CCSER1: variants seen among roughly 807,000 people sequenced by gnomAD.
CCSER1 encodes coiled-coil serine rich protein 1, also known as serine-rich coiled-coil domain-containing protein 1.
In CCSER1, 41 loss-of-function variants were observed where a neutral mutation model predicts 82.0. The ratio of observed to expected loss-of-function variants is 0.50; its 90% CI spans 0.39 to 0.65. The LOEUF (loss-of-function observed/expected upper bound fraction) is 0.65. Ranked by LOEUF, CCSER1 falls within the 30% of genes least tolerant of loss-of-function variation. The pLI is 0.00. For synonymous variants in CCSER1, 414 were observed against 383.9 expected (o/e 1.08, Z -0.92); for missense variants, 1,119 against 1,064.2 (o/e 1.05, Z -0.72).
intron 5 of CCSER1, among the ~76,000 whole-genome samples, chr4:90,553,774 A>T (rs915506636): frequency 6.6e-6 from 1 of 152,228 alleles, no homozygotes; most frequent in Non-Finnish European, 1.5e-5. Context: ...TGTACAGTGC[A>T]GAGTTGGATT....
chr4:90,344,246 C>A (rs754915542), intron 3 of CCSER1, among the ~76,000 whole-genome samples: 7 of 152,174 alleles, frequency 4.6e-5, no homozygotes, highest in Non-Finnish European at 1.0e-4. Context: ...TCGAATAGTA[C>A]TTCATTGTGT....
At chr4:90,882,652 GAAT>G (rs1721511781) in intron 8 of CCSER1, among the ~76,000 whole-genome samples, 1 of 151,904 alleles carries the variant, frequency 6.6e-6, no homozygotes, top group Non-Finnish European at 1.5e-5. Flanking sequence ...AATCATTAAA[GAAT>G]AATGAGTAGC....
intron 9 of CCSER1, among the ~76,000 whole-genome samples, chr4:91,000,076 G>A (rs1737870000): frequency 6.6e-6 from 1 of 151,736 alleles, no homozygotes; most frequent in Non-Finnish European, 1.5e-5. Context: ...TGATGACTTT[G>A]TTTCAGATTA....
chr4:90,611,477 G>A (rs1383195552), intron 5 of CCSER1, among the ~76,000 whole-genome samples: 8 of 151,730 alleles, frequency 5.3e-5, no homozygotes, highest in Admixed American at 2.0e-4. Flanking sequence ...GTTGCTTTGA[G>A]AGAATAAAAT....
intron 10 of CCSER1, among the ~76,000 whole-genome samples, chr4:91,463,096 G>A (rs1168127829): frequency 6.6e-6 from 1 of 152,136 alleles, no homozygotes; most frequent in Non-Finnish European, 1.5e-5. Flanking sequence ...AGCCTAACTG[G>A]GAGGCACCCC....
At chr4:90,422,660 C>T (rs1756877217) in intron 4 of CCSER1, among the ~76,000 whole-genome samples, 1 of 151,888 alleles carries the variant, frequency 6.6e-6, no homozygotes, top group African/African-American at 2.4e-5. Context: ...AAAAAAAACA[C>T]CAAACGAACA....
intron 10 of CCSER1, among the ~76,000 whole-genome samples, chr4:91,148,866 T>C (rs111649630): frequency 0.11 from 16,997 of 152,238 alleles, 1,080 homozygotes; most frequent in East Asian, 0.24. Context: ...TGCCACATTT[T>C]CTTAATCCAG....
intron 6 of CCSER1, among the ~76,000 whole-genome samples, chr4:90,712,958 A>C (rs1740931445): frequency 1.4e-5 from 2 of 143,342 alleles, no homozygotes; most frequent in Non-Finnish European, 3.0e-5. Flanking sequence ...AGATAGTAGG[A>C]TTGCAACCCC....
Position 91,193,109 on chromosome 4 carries a change from A to G in CCSER1, c.2217+107115A>G, listed in dbSNP as rs570625063. Among the ~76,000 whole-genome samples the G allele has an allele frequency of 3.9e-5, 6 of 151,960 alleles. No homozygotes were observed. In the South Asian group the frequency reaches 1.2e-3, roughly 32 times the overall value. On this transcript the variant is annotated intron_variant, in intron 10 of 10. Transcript: ENST00000509176. ...GTGTCTTTTTTTTCAACCCTACTGC[A>G]TTTTATCCTTAGCTCATCTATAATA...
At chr4:90,953,768 A>G (rs1733155016) in intron 9 of CCSER1, among the ~76,000 whole-genome samples, 1 of 151,946 alleles carries the variant, frequency 6.6e-6, no homozygotes. Flanking sequence ...TAATTGACTG[A>G]ATAATTTCAT....
intron 10 of CCSER1, among the ~76,000 whole-genome samples, chr4:91,140,545 T>A (rs1429310705): frequency 6.6e-6 from 1 of 152,118 alleles, no homozygotes; most frequent in East Asian, 1.9e-4. Context: ...ATCTTTACCA[T>A]TTGGAATTCA....
chr4:90,925,011 G>T (rs577500524), intron 9 of CCSER1, among the ~76,000 whole-genome samples: 7 of 152,156 alleles, frequency 4.6e-5, no homozygotes, highest in Non-Finnish European at 1.0e-4. Context: ...ACAGGCGTGA[G>T]CCACCACCCC....
At chr4:90,141,324 A>G (rs1439344189) in intron 1 of CCSER1, among the ~76,000 whole-genome samples, 2 of 152,204 alleles carry the variant, frequency 1.3e-5, no homozygotes, top group African/African-American at 4.8e-5. Flanking sequence ...ATACCTTTAC[A>G]CTAACATCCG....
intron 9 of CCSER1, among the ~76,000 whole-genome samples, chr4:91,056,298 G>A (rs373291148): frequency 3.3e-5 from 5 of 150,948 alleles, no homozygotes; most frequent in African/African-American, 9.9e-5. Flanking sequence ...CTGAGACTGG[G>A]TAATTTATAA....
chr4:91,302,815 T>C (rs1744772780), intron 10 of CCSER1, among the ~76,000 whole-genome samples: 1 of 50,498 alleles, frequency 2.0e-5, no homozygotes, highest in Non-Finnish European at 4.7e-5. Flanking sequence ...CCTAGATCTT[T>C]TTTTTTTTTG....
In CCSER1 at chr4:91,349,282, G is replaced by A. The variant is rs1481612591; in HGVS notation, c.2218-249290G>A. ...TTGGGTGTTTTTTTTACTGTTTGCT[G>A]TAGCTATAGGTGTCAGAGGTTAAAT... On this transcript the variant is annotated intron_variant, in intron 10 of 10. Coordinates refer to ENST00000509176, the MANE Select transcript of CCSER1 (RefSeq NM_001145065.2). Among the ~76,000 whole-genome samples the A allele has an allele frequency of 2.6e-5, 4 of 152,178 alleles. No individual in the cohort carries two copies. In the East Asian group the frequency reaches 7.7e-4, roughly 29 times the overall value.
At chr4:90,484,088 C>A (rs1294309449) in intron 5 of CCSER1, among the ~76,000 whole-genome samples, 1 of 152,122 alleles carries the variant, frequency 6.6e-6, no homozygotes, top group African/African-American at 2.4e-5. Context: ...ATTCTTTTTT[C>A]TCTAAACTTC....
chr4:91,233,815 C>A (rs1738797981), intron 10 of CCSER1, among the ~76,000 whole-genome samples: 1 of 151,492 alleles, frequency 6.6e-6, no homozygotes, highest in South Asian at 2.1e-4. Context: ...TTTTTTTTAA[C>A]CTTCCTTTAT....
intron 10 of CCSER1, among the ~76,000 whole-genome samples, chr4:91,515,303 G>A (rs942360292): frequency 4.6e-5 from 7 of 152,060 alleles, no homozygotes; most frequent in South Asian, 4.1e-4. Flanking sequence ...GTCTCATCAC[G>A]CAGGTATGAG....
Sources: gnomAD v4.1 joint callset for allele counts (sites outside exome capture counted in the v4.1 genomes callset) on GRCh38, gnomAD v4.1.1 for gene constraint, MANE v1.5 for transcripts, NCBI Gene and HGNC (gene_info 2026-07-23, HGNC 2026-07-21) for gene names.